The following PCDH7 variants were observed in gnomAD, a reference collection of about 807,000 sequenced individuals.
The protein encoded by PCDH7 is protocadherin-7.
PCDH7 carries 17 observed loss-of-function variants against 58.9 expected under a neutral mutation model. The ratio of observed to expected loss-of-function variants is 0.29; its 90% confidence interval spans 0.20 to 0.43. The LOEUF (loss-of-function observed/expected upper bound fraction) is 0.43, where lower values mean the gene tolerates loss of function less well. PCDH7 is among the 20% of genes least tolerant of loss of function. PCDH7 has a pLI of 1.00. For missense variants in PCDH7, 1,274 were observed against 1,441.0 expected (o/e 0.88, Z 1.88); for synonymous variants, 664 against 616.4 (o/e 1.08, Z -1.14).
downstream of PCDH7, chr4:31,144,052 A>G (rs1391375516): frequency 6.6e-6 from 1 of 152,194 alleles, no homozygotes; most frequent in Non-Finnish European, 1.5e-5. Context: ...CACGATTATC[A>G]TTTTAGAATC....
intron 1 of PCDH7, among the ~76,000 whole-genome samples, chr4:30,833,413 T>C (rs1577979485): frequency 6.6e-6 from 1 of 152,176 alleles, no homozygotes; most frequent in African/African-American, 2.4e-5. Flanking sequence ...GAGTCTCAAA[T>C]TCTTATCACT....
At chr4:30,962,857 G>A (rs1429421921) in intron 3 of PCDH7, among the ~76,000 whole-genome samples, 1 of 149,310 alleles carries the variant, frequency 6.7e-6, no homozygotes, top group Non-Finnish European at 1.5e-5. Flanking sequence ...ACTACAGTAA[G>A]AGCCTTGACT....
intron 1 of PCDH7, among the ~76,000 whole-genome samples, chr4:30,817,429 G>A (rs892678355): frequency 6.6e-6 from 1 of 152,114 alleles, no homozygotes; most frequent in Non-Finnish European, 1.5e-5. Flanking sequence ...TAAGATAAGA[G>A]GCTGTGTTAT....
At chr4:31,107,405 G>A (rs1715714243) in intron 3 of PCDH7, among the ~76,000 whole-genome samples, 1 of 152,186 alleles carries the variant, frequency 6.6e-6, no homozygotes. Flanking sequence ...GTTCAGCAGA[G>A]AGACCAAAGA....
chr4:30,739,906 A>G (rs1235800548), intron 1 of PCDH7, among the ~76,000 whole-genome samples: 1 of 152,236 alleles, frequency 6.6e-6, no homozygotes, highest in Non-Finnish European at 1.5e-5. Flanking sequence ...ATATGTAAAT[A>G]GTATATCAAT....
intron 2 of PCDH7, among the ~76,000 whole-genome samples, chr4:30,941,435 A>C (rs1158832099): frequency 1.3e-5 from 2 of 151,952 alleles, no homozygotes; most frequent in African/African-American, 4.8e-5. Context: ...CGTTTTTGAC[A>C]AAAGAATGTT....
At chr4:31,055,241 G>A (rs935874387) in intron 3 of PCDH7, among the ~76,000 whole-genome samples, 1 of 151,980 alleles carries the variant, frequency 6.6e-6, no homozygotes, top group Non-Finnish European at 1.5e-5. Context: ...TGTTAGATTT[G>A]TTTAAAAATA....
intron 1 of PCDH7, among the ~76,000 whole-genome samples, chr4:30,912,322 G>T (rs1224358464): frequency 5.9e-5 from 9 of 152,192 alleles, no homozygotes; most frequent in Non-Finnish European, 4.4e-5. Flanking sequence ...GGTTGAGACT[G>T]TTTGCAGATT....
intron 1 of PCDH7, among the ~76,000 whole-genome samples, chr4:30,835,070 C>T (rs1730308950): frequency 6.6e-6 from 1 of 152,130 alleles, no homozygotes; most frequent in South Asian, 2.1e-4. Flanking sequence ...TCGGTTGTTA[C>T]ACCTTAAACA....
chr4:31,120,494 G>A (rs1717559358), intron 3 of PCDH7, among the ~76,000 whole-genome samples: 1 of 129,476 alleles, frequency 7.7e-6, no homozygotes, highest in Admixed American at 9.0e-5. Flanking sequence ...TATGTTCACT[G>A]AAAATTAGGT....
intron 3 of PCDH7, among the ~76,000 whole-genome samples, chr4:31,034,510 C>T (rs1039987217): frequency 1.3e-5 from 2 of 152,100 alleles, no homozygotes; most frequent in South Asian, 4.1e-4. Flanking sequence ...CACATTTTTA[C>T]AATGAAGACA....
In PCDH7 at chr4:30,853,021, G is replaced by A. The variant is rs985522649; in HGVS notation, c.71-67132G>A. Among the ~76,000 whole-genome samples, 31 of 151,954 alleles carry A rather than the reference G, an allele frequency of 2.0e-4. 1 individual carries two copies. Among genetic ancestry groups the A allele is most frequent in the African/African-American group, 7.0e-4 (29 of 41,486 alleles). ...AGTGCTACCTTGAGAAGGGCTTTAC[G>A]GTAGATCCATGTTATTGAGAAAGTG... On this transcript the variant is annotated intron_variant, in intron 1 of 3. Transcript: ENST00000509759.
At chr4:30,727,308 T>C (rs924594806) in intron 1 of PCDH7, among the ~76,000 whole-genome samples, 1 of 151,954 alleles carries the variant, frequency 6.6e-6, no homozygotes, top group Admixed American at 6.6e-5. Context: ...AGTCCTGTTG[T>C]TTTCATTATA....
At chr4:30,784,587 T>G (rs1488429271) in intron 1 of PCDH7, among the ~76,000 whole-genome samples, 1 of 152,074 alleles carries the variant, frequency 6.6e-6, no homozygotes, top group East Asian at 1.9e-4. Context: ...AAAATAAAAA[T>G]TAAAACATTT....
chr4:30,939,477 C>A (rs550482185), intron 2 of PCDH7, among the ~76,000 whole-genome samples: 13 of 152,050 alleles, frequency 8.5e-5, no homozygotes, highest in Non-Finnish European at 1.5e-4. Context: ...TTGTGAGACT[C>A]CAGCATAGTT....
intron 3 of PCDH7, among the ~76,000 whole-genome samples, chr4:30,956,071 A>T (rs1047389122): frequency 6.6e-6 from 1 of 151,404 alleles, no homozygotes; most frequent in African/African-American, 2.4e-5. Context: ...ACAATTAGCC[A>T]GGCAAGGTGG....
At chr4:30,751,050 T>A (rs918249970) in intron 1 of PCDH7, among the ~76,000 whole-genome samples, 1 of 152,032 alleles carries the variant, frequency 6.6e-6, no homozygotes. Flanking sequence ...ATAAAATGAG[T>A]TAGGTTTTTA....
At chr4:30,767,820 A>G (rs2109275541) in intron 1 of PCDH7, among the ~76,000 whole-genome samples, 1 of 152,350 alleles carries the variant, frequency 6.6e-6, no homozygotes, top group Admixed American at 6.5e-5. Context: ...TTTCAGAATA[A>G]TAAAAAATTC....
At chr4:31,124,899 AT>A (rs1718116400) in intron 3 of PCDH7, among the ~76,000 whole-genome samples, 1 of 152,142 alleles carries the variant, frequency 6.6e-6, no homozygotes, top group Non-Finnish European at 1.5e-5. Flanking sequence ...TGCTTCTCAC[AT>A]CTAATTCGCC....
Sources: allele counts gnomAD v4.1 joint callset (sites outside exome capture counted in the v4.1 genomes callset), GRCh38; gene constraint gnomAD v4.1.1; transcripts MANE v1.5; gene names NCBI Gene and HGNC (gene_info 2026-07-23, HGNC 2026-07-21).